GSN: variants seen among roughly 807,000 people sequenced by gnomAD.
The protein encoded by GSN is gelsolin.
A neutral mutation model predicts 85.7 loss-of-function variants in GSN; 56 were observed. The observed-to-expected ratio is 0.65, with a 90% CI of 0.53 to 0.82. GSN has a LOEUF of 0.82. Among genes scored for constraint, GSN ranks in the 40% least tolerant of loss-of-function variants. The pLI is 0.00. For synonymous variants in GSN, 373 were observed against 399.1 expected (o/e 0.93, Z 0.78); for missense variants, 857 against 979.8 (o/e 0.87, Z 1.67).
At chr9:121,266,640 A>G (rs566922184), upstream of GSN, among the ~76,000 whole-genome samples, 3 of 152,348 alleles carry the variant, frequency 2.0e-5, no homozygotes, top group Admixed American at 6.5e-5. Context: ...ATAGAAGAGT[A>G]GACTGCACAG....
At chr9:121,286,521 T>TA (rs774931419) in intron 2 of GSN, 1 of 1,288,284 alleles carries the variant, frequency 7.8e-7, no homozygotes, top group Non-Finnish European at 1.0e-6. Flanking sequence ...GGAAACTCCA[T>TA]TTATCCTCCA....
At chr9:121,292,121 T>C (rs1366207561) in intron 2 of GSN, among the ~76,000 whole-genome samples, 1 of 152,228 alleles carries the variant, frequency 6.6e-6, no homozygotes, top group Non-Finnish European at 1.5e-5. Flanking sequence ...GTTCTCAAAC[T>C]ACTGGGTTTA....
intron 5 of GSN, among the ~76,000 whole-genome samples, chr9:121,232,776 C>T (rs1422332008): frequency 2.0e-5 from 3 of 152,146 alleles, no homozygotes; most frequent in Non-Finnish European, 2.9e-5. Flanking sequence ...TCAGGCAGGC[C>T]GGAAACCAAA....
intron 4 of GSN, among the ~76,000 whole-genome samples, chr9:121,307,158 G>A (rs1308362551): frequency 6.6e-6 from 1 of 152,024 alleles, no homozygotes; most frequent in Non-Finnish European, 1.5e-5. Flanking sequence ...TCCAGCCTGG[G>A]CGATGGAACG....
intron 4 of GSN, chr9:121,310,455 G>T: frequency 1.7e-6 from 1 of 577,922 alleles, no homozygotes; most frequent in Non-Finnish European, 3.1e-6. Flanking sequence ...TTAGCTGTGT[G>T]GCCTTGGGCA....
At chr9:121,207,767 T>G (rs1184481276), upstream of GSN, 1 of 152,118 alleles carries the variant, frequency 6.6e-6, no homozygotes, top group Non-Finnish European at 1.5e-5. Flanking sequence ...TCTCTCTTTT[T>G]TTTTTTTCTT....
chr9:121,318,176 C>T lies in GSN; in HGVS notation c.887-230C>T, dbSNP rs1386036112. ...TAGTTCTAAGCACAAAATACATGCT[C>T]ACTAAATGGACCACAGTAGTGTTGT... On this transcript the variant is annotated intron_variant, in intron 8 of 17. Coordinates refer to ENST00000432226, the MANE Select transcript of GSN (RefSeq NM_198252.3). This position sits in a 1 kb window ranked among gnomAD's most constrained non-coding sequence, Gnocchi z 4.3. Among the ~76,000 whole-genome samples, 5 of 152,202 alleles carry T rather than the reference C, an allele frequency of 3.3e-5. No homozygotes were observed. The highest frequency in any genetic ancestry group is 5.9e-5 in the Non-Finnish European group (4 of 68,046).
At chr9:121,304,609 G>A (rs1564491971) in intron 4 of GSN, among the ~76,000 whole-genome samples, 1 of 152,198 alleles carries the variant, frequency 6.6e-6, no homozygotes, top group East Asian at 1.9e-4. Flanking sequence ...CATTCATTCA[G>A]CAAATATTTA....
rs528161256 is a variant in GSN, at chr9:121,318,698, C to T, written c.1009C>T (p.Leu337=). Residue 337 remains leucine (L), a synonymous_variant, in exon 10 of 18, where the codon CTG becomes TTG. Coordinates refer to ENST00000432226, the MANE Select transcript of GSN (RefSeq NM_198252.3). The surrounding 1 kb of genome is among the most constrained non-coding windows in gnomAD (Gnocchi z 4.3). The stretch of plus-strand genomic sequence containing the variant: ...CCTTCCTGAGGGCGGTGAGACCCCA[C>T]TGTTCAAGCAGTTCTTCAAGAACTG... ...SVLPEGGETP[L]FKQFFKNWRD... The T allele has an allele frequency of 3.7e-4, 604 of 1,613,874 alleles. 5 individuals carry two copies. The South Asian group carries it at 6.3e-3, about 17-fold the overall frequency.
intron 10 of GSN, 65 bp from the exon 11 acceptor site, chr9:121,321,203 C>T (rs2062393508): frequency 6.3e-7 from 1 of 1,591,616 alleles, no homozygotes; most frequent in Non-Finnish European, 8.6e-7. Context: ...CTGCGGTTTC[C>T]TGGCTTGCCT....
intron 16 of GSN, among the ~76,000 whole-genome samples, chr9:121,330,569 C>T (rs1218468381): frequency 2.6e-5 from 4 of 151,856 alleles, no homozygotes; most frequent in Non-Finnish European, 4.4e-5. Flanking sequence ...AGTGAGACTC[C>T]GTCTCAAAAA....
intron 1 of GSN, chr9:121,280,926 C>A (rs2057288984): frequency 6.6e-6 from 1 of 152,370 alleles, no homozygotes; most frequent in East Asian, 1.9e-4. Flanking sequence ...AGCATGATAT[C>A]TCTAATGAAG....
chr9:121,234,056 A>G (rs1564347297), intron 5 of GSN, among the ~76,000 whole-genome samples: 1 of 152,212 alleles, frequency 6.6e-6, no homozygotes. Context: ...TGCATGACCT[A>G]AGCCTCGTGG....
At position 121,310,792 on chromosome 9, in the gene GSN, G is replaced by A. The variant is rs1564516294; in HGVS notation, c.460G>A (p.Val154Met). The change falls in exon 5 of 18, where the codon GTG becomes ATG. Residue 154 changes from valine (V) to methionine (M), a missense_variant. Physicochemically the swap from Val to Met is conservative, Grantham distance 21. Transcript: ENST00000432226. Reference sequence around the variant, plus strand: ...TGTGGTCCGTGCCACCGAGGTACCTGTGTCCTGGGAGAGCTTCAACAATGG... The same window carrying A: ...TGTGGTCCGTGCCACCGAGGTACCTATGTCCTGGGAGAGCTTCAACAATGG... ...RRVVRATEVP[V>M]SWESFNNGDC... is the part of the protein sequence containing the mutation. 4 of 1,614,052 alleles carry A rather than the reference G, an allele frequency of 2.5e-6. No individual in the cohort carries two copies. The African/African-American group carries it at 4.0e-5, about 16-fold the overall frequency.
At chr9:121,285,264 G>A (rs1490271198) in intron 2 of GSN, 1 of 167,148 alleles carries the variant, frequency 6.0e-6, no homozygotes, top group African/African-American at 2.4e-5. Context: ...TAATGGCCCA[G>A]TCCATGTTGT....
chr9:121,241,571 A>G (rs137964873), intron 5 of GSN, among the ~76,000 whole-genome samples: 204 of 152,352 alleles, frequency 1.3e-3, no homozygotes, highest in Admixed American at 4.1e-3. Context: ...TCTGCTTAAC[A>G]GAGCTGTAGC....
At chr9:121,323,400 T>C (rs2062743277) in intron 11 of GSN, among the ~76,000 whole-genome samples, 1 of 126,650 alleles carries the variant, frequency 7.9e-6, no homozygotes. Flanking sequence ...AGACAGAGTC[T>C]TGCTCTGTCG....
intron 12 of GSN, among the ~76,000 whole-genome samples, chr9:121,325,185 C>T (rs1410687164): frequency 2.6e-5 from 4 of 152,200 alleles, no homozygotes; most frequent in African/African-American, 4.8e-5. Flanking sequence ...TAGAATCATG[C>T]CTGCCATATA....
intron 4 of GSN, among the ~76,000 whole-genome samples, chr9:121,307,865 T>A (rs2060586561): frequency 6.6e-6 from 1 of 152,220 alleles, no homozygotes; most frequent in Non-Finnish European, 1.5e-5. Context: ...TTCCCCTGCC[T>A]TTCTGCGCTT....
Sources: allele counts gnomAD v4.1 joint callset (sites outside exome capture counted in the v4.1 genomes callset), GRCh38; gene constraint gnomAD v4.1.1; non-coding constraint Gnocchi (gnomAD v3.1); transcripts MANE v1.5; gene names NCBI Gene and HGNC (gene_info 2026-07-23, HGNC 2026-07-21).